The following PCDHAC1 variants were observed in gnomAD, a reference collection of about 807,000 sequenced individuals.
The protein encoded by PCDHAC1 is protocadherin alpha subfamily C, 1.
Under a neutral mutation model 60.0 loss-of-function variants are expected in PCDHAC1, and 42 were observed. The observed-to-expected ratio is 0.70, with a 90% CI of 0.55 to 0.90. PCDHAC1 has a LOEUF of 0.90. Among genes scored for constraint, PCDHAC1 ranks in the 40% least tolerant of loss-of-function variants. PCDHAC1 has a pLI of 0.00. For missense variants in PCDHAC1, 1,160 were observed against 1,222.3 expected (o/e 0.95, Z 0.76); for synonymous variants, 468 against 499.3 (o/e 0.94, Z 0.84).
At chr5:140,953,551 T>C (rs565115779) in intron 1 of PCDHAC1, among the ~76,000 whole-genome samples, 1 of 152,240 alleles carries the variant, frequency 6.6e-6, no homozygotes, top group East Asian at 1.9e-4. Flanking sequence ...GATTCTTTTC[T>C]CCAAGTTTTA....
In PCDHAC1 at chr5:140,926,519, C is replaced by T. The variant is rs2083298131; in HGVS notation, c.-374C>T. ...CTCGGGGCGTCTCCCAGGCTCCGCC[C>T]TGCGCCCGCAGCCAGCGTGGTGGTC... On this transcript the variant is annotated 5_prime_UTR_variant, in exon 1 of 4. Coordinates refer to ENST00000253807, the MANE Select transcript of PCDHAC1 (RefSeq NM_018898.5). 1 of 204,364 alleles carries T rather than the reference C, an allele frequency of 4.9e-6. No homozygotes were observed. The highest frequency in any genetic ancestry group is 9.7e-6 in the Non-Finnish European group (1 of 103,602). The allele number at this position is 204,364 out of a possible 1,614,324, so 12.7% of individuals were successfully genotyped here.
At chr5:140,936,242 T>C (rs2090852443) in intron 1 of PCDHAC1, among the ~76,000 whole-genome samples, 1 of 152,196 alleles carries the variant, frequency 6.6e-6, no homozygotes, top group African/African-American at 2.4e-5. Flanking sequence ...AAAGAAAACA[T>C]ATCCTGCTTC....
rs782169362 is a variant in PCDHAC1, at chr5:140,979,015, T to G, written c.2492+8T>G. Reference sequence around the variant, plus strand: ...GAGAGCAGGCATGCACAGGTATGTATTTCCCTCCTCATTCACTCAGAAGTA... The same window carrying G: ...GAGAGCAGGCATGCACAGGTATGTAGTTCCCTCCTCATTCACTCAGAAGTA... On this transcript the variant is annotated splice_region_variant and intron_variant, in intron 2 of 3. Transcript: ENST00000253807. 3 of 1,613,920 alleles carry G rather than the reference T, an allele frequency of 1.9e-6. No individual in the cohort carries two copies. The highest frequency in any genetic ancestry group is 2.5e-6 in the Non-Finnish European group (3 of 1,179,908).
In PCDHAC1 at chr5:141,009,879, A is replaced by T. The variant is rs2098415109; in HGVS notation, c.2834A>T (p.Asn945Ile). The T allele has an allele frequency of 1.2e-6, 2 of 1,613,766 alleles. No individual in the cohort carries two copies. The highest frequency in any genetic ancestry group is 3.3e-5 in the Admixed American group (2 of 59,900). Reference sequence around the variant, plus strand: ...AAAAAGAAGAAAAAGAAGAAGGGTAACAAGACCCAGGAGAAAAAAGAGAAA... The same window carrying T: ...AAAAAGAAGAAAAAGAAGAAGGGTATCAAGACCCAGGAGAAAAAAGAGAAA... The part of the protein sequence containing the change: ...TKKKKKKKKG[N>I]KTQEKKEKGN... Residue 945 changes from asparagine to isoleucine, a missense_variant, in exon 4 of 4, where the codon AAC (asparagine) becomes ATC (isoleucine). Around this residue, in one of 3 missense-constraint regions of PCDHAC1, gnomAD observed 1,113 missense variants for 1,163.7 expected, o/e 0.96. Coordinates refer to ENST00000253807, the MANE Select transcript of PCDHAC1 (RefSeq NM_018898.5).
chr5:140,996,198 G>T (rs2097716643), intron 3 of PCDHAC1, among the ~76,000 whole-genome samples: 1 of 152,168 alleles, frequency 6.6e-6, no homozygotes, highest in Non-Finnish European at 1.5e-5. Context: ...TACCCTCAAT[G>T]CAAGGATATC....
chr5:140,978,680 T>C (rs2096816388), intron 1 of PCDHAC1, among the ~76,000 whole-genome samples: 1 of 152,240 alleles, frequency 6.6e-6, no homozygotes, highest in Non-Finnish European at 1.5e-5. Context: ...CAGACATGTA[T>C]TGGGCAAGGC....
At chr5:140,966,448 C>T (rs1198594007) in intron 1 of PCDHAC1, 2 of 425,466 alleles carry the variant, frequency 4.7e-6, no homozygotes, top group Non-Finnish European at 8.2e-6. Context: ...TCCCTTTCCC[C>T]CTCCCCCTCT....
intron 3 of PCDHAC1, among the ~76,000 whole-genome samples, chr5:140,994,753 G>A (rs143791883): frequency 1.1e-4 from 16 of 152,252 alleles, no homozygotes; most frequent in African/African-American, 3.9e-4. Context: ...AGTAGGATGT[G>A]GAGAGGAAGA....
Position 140,929,229 on chromosome 5 carries a change from C to T in PCDHAC1, c.2337C>T (p.Asp779=). 6.2e-7 allele frequency: 1 copy of T among 1,613,880 alleles called. No individual in the cohort carries two copies. Among genetic ancestry groups the T allele is most frequent in the South Asian group, 1.1e-5 (1 of 91,048 alleles). Residue 779 remains aspartate (D), a synonymous_variant, in exon 1 of 4, where the codon GAC becomes GAT. Coordinates refer to ENST00000253807, the MANE Select transcript of PCDHAC1 (RefSeq NM_018898.5). ...TGCGTGGGGAGTACAATGCTGCCGACCTGCGAAATCTTGCCACTGGGGTAG... is the reference window on the plus strand; with the variant it reads ...TGCGTGGGGAGTACAATGCTGCCGATCTGCGAAATCTTGCCACTGGGGTAG... ...LLLRGEYNAA[D]LRNLATGVGL... is the part of the protein sequence containing the mutation.
chr5:140,983,900 G>T (rs1345141422), intron 3 of PCDHAC1, among the ~76,000 whole-genome samples: 1 of 152,198 alleles, frequency 6.6e-6, no homozygotes, highest in Admixed American at 6.5e-5. Context: ...GGCATTCGTT[G>T]ATTCTAATCA....
At chr5:141,009,459 A>T in intron 3 of PCDHAC1, 168 bp from the exon 4 acceptor site, 3 of 950,878 alleles carry the variant, frequency 3.2e-6, no homozygotes, top group Non-Finnish European at 3.8e-6. Context: ...AATTAAACAA[A>T]TAAATAAATA....
At chr5:140,944,809 A>G (rs2093698274) in intron 1 of PCDHAC1, among the ~76,000 whole-genome samples, 1 of 152,220 alleles carries the variant, frequency 6.6e-6, no homozygotes, top group African/African-American at 2.4e-5. Flanking sequence ...GAGGGTCCAC[A>G]GTGATCTTTG....
intron 1 of PCDHAC1, among the ~76,000 whole-genome samples, chr5:140,976,093 A>G (rs782314077): frequency 6.6e-6 from 1 of 152,238 alleles, no homozygotes; most frequent in African/African-American, 2.4e-5. Context: ...TCAGTAGTCA[A>G]CTTTTCAACT....
At chr5:140,967,298 G>A in intron 1 of PCDHAC1, 1 of 1,612,692 alleles carries the variant, frequency 6.2e-7, no homozygotes, top group Non-Finnish European at 8.5e-7. Flanking sequence ...CCCCGACGTG[G>A]GCGCCAACTC....
chr5:140,968,989 C>T, intron 1 of PCDHAC1: 1 of 1,614,234 alleles, frequency 6.2e-7, no homozygotes, highest in Non-Finnish European at 8.5e-7. Flanking sequence ...GCACTGCATG[C>T]TGTGGAGGCT....
intron 1 of PCDHAC1, among the ~76,000 whole-genome samples, chr5:140,932,387 T>C (rs1419863335): frequency 6.6e-6 from 1 of 151,960 alleles, no homozygotes; most frequent in Non-Finnish European, 1.5e-5. Context: ...AAGTTATACA[T>C]AGTTTCAACA....
chr5:141,003,017 G>T (rs1398844749), intron 3 of PCDHAC1, among the ~76,000 whole-genome samples: 1 of 152,240 alleles, frequency 6.6e-6, no homozygotes, highest in Non-Finnish European at 1.5e-5. Flanking sequence ...GGGAAAGTCA[G>T]TGTAAATCAG....
Position 140,927,187 on chromosome 5 carries a change from C to G in PCDHAC1, c.295C>G (p.Leu99Val), listed in dbSNP as rs558671063. 141 of 1,614,164 alleles carry G rather than the reference C, an allele frequency of 8.7e-5. 1 individual carries two copies. The South Asian group carries it at 1.5e-3, about 17-fold the overall frequency. ...AKAACVLTYD[L>V]VLEDPLELHK... The stretch of plus-strand genomic sequence containing the variant: ...AGCTGCCTGCGTCTTGACCTACGAC[C>G]TGGTGCTCGAGGACCCGCTGGAGCT... The change falls in exon 1 of 4, where the codon CTG (leucine) becomes GTG (valine). Residue 99 changes from leucine (L) to valine (V), a missense_variant. By Grantham distance (32) the Leu-to-Val change is conservative (BLOSUM62 1). Transcript: ENST00000253807.
At chr5:140,964,629 T>C (rs1315614801) in intron 1 of PCDHAC1, among the ~76,000 whole-genome samples, 1 of 152,028 alleles carries the variant, frequency 6.6e-6, no homozygotes, top group Non-Finnish European at 1.5e-5. Context: ...TTATAAGCCA[T>C]TTATTTTCAG....
Sources: gnomAD v4.1 joint callset for allele counts (sites outside exome capture counted in the v4.1 genomes callset) on GRCh38, gnomAD v4.1.1 for gene constraint, gnomAD v4.1.1 regional missense constraint, MANE v1.5 for transcripts, NCBI Gene and HGNC (gene_info 2026-07-23, HGNC 2026-07-21) for gene names.